Variants in CDR2L observed in about 807,000 individuals in gnomAD.
CDR2L encodes cerebellar degeneration related protein 2 like, also known as cerebellar degeneration-related protein 2-like.
Under a neutral mutation model 36.1 loss-of-function variants are expected in CDR2L, and 19 were observed. The ratio of observed to expected loss-of-function variants is 0.53; its 90% confidence interval spans 0.37 to 0.77. CDR2L has a LOEUF of 0.77. Among genes scored for constraint, CDR2L ranks in the 30% least tolerant of loss-of-function variants. The pLI is 0.00. For synonymous variants in CDR2L, 285 were observed against 280.4 expected, an observed-to-expected ratio of 1.02 and a Z score of -0.16; for missense variants, 575 against 627.2, an observed-to-expected ratio of 0.92 and a Z score of 0.89.
At chr17:74,996,536 C>G (rs4789122) in intron 1 of CDR2L, among the ~76,000 whole-genome samples, 141,810 of 151,922 alleles carry the variant, frequency 0.93, 66,802 homozygotes, top group East Asian at 1. Flanking sequence ...AAATGTCTAG[C>G]TATCATCACA....
intron 1 of CDR2L, among the ~76,000 whole-genome samples, chr17:74,990,655 G>A (rs1017064538): frequency 3.3e-5 from 5 of 152,244 alleles, no homozygotes; most frequent in Non-Finnish European, 7.3e-5. Context: ...AAGTCATGGA[G>A]CGACATGAGA....
intron 1 of CDR2L, among the ~76,000 whole-genome samples, chr17:74,992,662 C>T (rs956345552): frequency 2.0e-5 from 3 of 152,202 alleles, no homozygotes; most frequent in Non-Finnish European, 2.9e-5. Flanking sequence ...GCTTAGCTTG[C>T]GCTGTGATCC....
rs1313572854 is a variant in CDR2L, at chr17:74,988,136, C to A, written c.79+14C>A. On this transcript the variant is annotated intron_variant, in intron 1 of 4. Transcript: ENST00000337231. ...ACCTGGAGCAGGGTGAGCGCGGGGG[C>A]GACCGGGACAGGAAGGCGGGGAGCG... The A allele has an allele frequency of 6.6e-7, 1 of 1,516,622 alleles. No individual in the cohort carries two copies. The highest frequency in any genetic ancestry group is 8.8e-7 in the Non-Finnish European group (1 of 1,130,598). 93.9% of individuals were successfully genotyped at this position (1,516,622 alleles called of 1,614,324 possible).
intron 1 of CDR2L, among the ~76,000 whole-genome samples, chr17:74,999,288 GCA>G (rs113287746): frequency 0.028 from 4,061 of 144,936 alleles, 189 homozygotes; most frequent in Admixed American, 0.12. Context: ...ATTACATCTT[GCA>G]CACACACACA....
intron 2 of CDR2L, 87 bp from the exon 3 acceptor site, chr17:75,001,254 A>C: frequency 7.5e-7 from 1 of 1,336,040 alleles, no homozygotes; most frequent in Non-Finnish European, 9.9e-7. Flanking sequence ...AAAAGAAAAA[A>C]GACAAAAAAA....
intron 2 of CDR2L, among the ~76,000 whole-genome samples, chr17:75,000,643 A>G (rs1245236178): frequency 2.7e-5 from 4 of 147,796 alleles, no homozygotes; most frequent in Non-Finnish European, 6.0e-5. Context: ...GGCCGGGCAC[A>G]GTGGCTCACA....
At chr17:74,993,323 G>A (rs2039807778) in intron 1 of CDR2L, among the ~76,000 whole-genome samples, 2 of 151,880 alleles carry the variant, frequency 1.3e-5, no homozygotes, top group Admixed American at 6.6e-5. Context: ...CATCGCCCAG[G>A]CTGGAGTTCA....
In CDR2L at chr17:74,989,878, ATCCACCCG is replaced by A. The variant is rs998206613; in HGVS notation, c.79+1757_79+1764del. Among the ~76,000 whole-genome samples, 1 of 152,056 alleles carries A rather than the reference ATCCACCCG, an allele frequency of 6.6e-6. No homozygotes were observed. Among genetic ancestry groups the A allele is most frequent in the Non-Finnish European group, 1.5e-5 (1 of 68,018 alleles). On this transcript the variant is annotated intron_variant, in intron 1 of 4. Coordinates refer to ENST00000337231, the MANE Select transcript of CDR2L (RefSeq NM_014603.3). The surrounding 1 kb of genome is among the most constrained non-coding windows in gnomAD (Gnocchi z 4.2). The stretch of plus-strand genomic sequence containing the variant: ...GCTCTCAAACTCCTGACCTCAGATG[ATCCACCCG>A]CCTTGGCCTCCCGAAGTGCTGGGAT...
In CDR2L at chr17:75,004,907, C is replaced by T. The variant is rs575634041; in HGVS notation, c.*833C>T. On this transcript the variant is annotated 3_prime_UTR_variant, in exon 5 of 5. Coordinates refer to ENST00000337231, the MANE Select transcript of CDR2L (RefSeq NM_014603.3). The stretch of plus-strand genomic sequence containing the variant: ...GTGGGGAGCCCCCATCCCTTCACAC[C>T]GCCACCAACTAACCAAGCTTGGCCT... The T allele has an allele frequency of 2.5e-3, 384 of 153,068 alleles. 2 individuals carry two copies. Among genetic ancestry groups the T allele is most frequent in the Non-Finnish European group, 4.7e-3 (323 of 68,340 alleles). 9.5% of individuals were successfully genotyped at this position (153,068 alleles called of 1,614,324 possible).
rs971235793 is a variant in CDR2L, at chr17:75,002,542, C to G, written c.506+314C>G. The stretch of plus-strand genomic sequence containing the variant: ...TAAGAGGCTCAGCCAGCATGCTAAC[C>G]CAGGAGGGGTAACCCACTGTGCTTT... On this transcript the variant is annotated intron_variant, in intron 4 of 4. Transcript: ENST00000337231. This position sits in a 1 kb window ranked among gnomAD's most constrained non-coding sequence, Gnocchi z 4.1. Among the ~76,000 whole-genome samples, 31 of 152,292 alleles carry G rather than the reference C, an allele frequency of 2.0e-4. No homozygotes were observed. The highest frequency in any genetic ancestry group is 7.0e-4 in the African/African-American group (29 of 41,552).
At chr17:74,995,390 T>C (rs1216738013) in intron 1 of CDR2L, among the ~76,000 whole-genome samples, 1 of 152,110 alleles carries the variant, frequency 6.6e-6, no homozygotes, top group Admixed American at 6.5e-5. Context: ...CTTGAACTCC[T>C]TTACTAAAGC....
Position 75,004,178 on chromosome 17 carries a change from C to T in CDR2L, c.*104C>T. The T allele has an allele frequency of 1.0e-6, 1 of 994,370 alleles. No individual in the cohort carries two copies. 61.6% of individuals were successfully genotyped at this position (994,370 alleles called of 1,614,324 possible). On this transcript the variant is annotated 3_prime_UTR_variant, in exon 5 of 5. Coordinates refer to ENST00000337231, the MANE Select transcript of CDR2L (RefSeq NM_014603.3). ...CGAGCGCCCTTTAGCGGCCTGCCAC[C>T]ACAGCACGCGGCCTCCTGATCCGGA... is the stretch of plus-strand genomic sequence containing the variant.
intron 2 of CDR2L, among the ~76,000 whole-genome samples, chr17:75,000,977 T>A (rs1231286249): frequency 6.6e-6 from 1 of 151,500 alleles, no homozygotes; most frequent in Non-Finnish European, 1.5e-5. Context: ...TGCATGCCTA[T>A]AATCCCAGCC....
At position 74,988,140 on chromosome 17, in the gene CDR2L, C is replaced by T; in HGVS notation, c.79+18C>T. The T allele has an allele frequency of 2.0e-6, 3 of 1,496,854 alleles. No homozygotes were observed. Among genetic ancestry groups the T allele is most frequent in the South Asian group, 2.5e-5 (2 of 79,448 alleles). The allele number at this position is 1,496,854 out of a possible 1,614,324, so 92.7% of individuals were successfully genotyped here. On this transcript the variant is annotated intron_variant, in intron 1 of 4. Coordinates refer to ENST00000337231, the MANE Select transcript of CDR2L (RefSeq NM_014603.3). The stretch of plus-strand genomic sequence containing the variant: ...GGAGCAGGGTGAGCGCGGGGGCGAC[C>T]GGGACAGGAAGGCGGGGAGCGCCCG...
rs185408596 is a variant in CDR2L, at chr17:74,995,930, G to A, written c.80-3574G>A. 1.1e-3 allele frequency among the ~76,000 whole-genome samples: 163 copies of A among 151,536 alleles called. 1 individual carries two copies. Among genetic ancestry groups the A allele is most frequent in the Middle Eastern group, 3.5e-3 (1 of 284 alleles). Reference sequence around the variant, plus strand: ...AAACTCAGCCTCAGCCTGCTCTAACGACCTCTTTGAGGACCCGCTCTCTCC... The same window carrying A: ...AAACTCAGCCTCAGCCTGCTCTAACAACCTCTTTGAGGACCCGCTCTCTCC... On this transcript the variant is annotated intron_variant, in intron 1 of 4. Transcript: ENST00000337231.
intron 1 of CDR2L, among the ~76,000 whole-genome samples, chr17:74,996,661 C>A (rs2039828076): frequency 6.6e-6 from 1 of 152,018 alleles, no homozygotes; most frequent in Non-Finnish European, 1.5e-5. Context: ...AGACAGATTC[C>A]CTCCTAGCCT....
chr17:74,993,012 A>C (rs1270598847), intron 1 of CDR2L, among the ~76,000 whole-genome samples: 1 of 152,230 alleles, frequency 6.6e-6, no homozygotes, highest in Non-Finnish European at 1.5e-5. Flanking sequence ...TCCGACACCC[A>C]CGGCAGGAGG....
At chr17:75,001,542 A>G in intron 3 of CDR2L, 53 bp downstream of exon 3, 1 of 1,438,522 alleles carries the variant, frequency 7.0e-7, no homozygotes, top group Non-Finnish European at 9.2e-7. Context: ...CCCAGGGCTG[A>G]GTGTACACAG....
intron 1 of CDR2L, 131 bp downstream of exon 1, chr17:74,988,253 C>T: frequency 1.8e-6 from 1 of 545,748 alleles, no homozygotes; most frequent in Non-Finnish European, 3.1e-6. Context: ...GGAGGAGGGA[C>T]GCGTCTGGAG....
Sources: gnomAD v4.1 joint callset for allele counts (sites outside exome capture counted in the v4.1 genomes callset) on GRCh38, gnomAD v4.1.1 for gene constraint, Gnocchi (gnomAD v3.1) non-coding constraint, MANE v1.5 for transcripts, NCBI Gene and HGNC (gene_info 2026-07-23, HGNC 2026-07-21) for gene names.